The following PHEX variants were observed in gnomAD, a reference collection of about 807,000 sequenced individuals.
PHEX encodes phosphate regulating endopeptidase X-linked, also known as phosphate-regulating neutral endopeptidase PHEX.
PHEX carries 16 observed loss-of-function variants against 68.0 expected under a neutral mutation model. The ratio of observed to expected loss-of-function variants is 0.24; its 90% CI spans 0.16 to 0.36. PHEX has a LOEUF of 0.36. Among genes scored for constraint, PHEX ranks in the 10% least tolerant of loss-of-function variants. The probability of loss-of-function intolerance (pLI) is 1.00; values close to 1 mark genes in which losing one functional copy is unlikely to be tolerated. For missense variants in PHEX, 480 were observed against 575.5 expected (o/e 0.83, Z 1.70); for synonymous variants, 208 against 205.1 (o/e 1.01, Z -0.12).
intron 5 of PHEX, among the ~76,000 whole-genome samples, chrX:22,087,713 G>T (rs894446581): frequency 2.7e-5 from 3 of 111,410 alleles, no homozygotes; most frequent in African/African-American, 9.8e-5. Flanking sequence ...TTTTTATTCA[G>T]ATATTACTAA....
intron 21 of PHEX, among the ~76,000 whole-genome samples, chrX:22,247,332 T>C (rs1936420148): frequency 8.9e-6 from 1 of 112,108 alleles, no homozygotes; most frequent in South Asian, 3.7e-4. Context: ...AAACAGTACA[T>C]ACCATGGATT....
At chrX:22,246,465 A>G (rs1419478418) in intron 21 of PHEX, among the ~76,000 whole-genome samples, 2 of 111,898 alleles carry the variant, frequency 1.8e-5, no homozygotes. Context: ...CCACTAGCAT[A>G]AAAATCTAAT....
intron 20 of PHEX, among the ~76,000 whole-genome samples, chrX:22,240,231 C>T (rs780997242): frequency 7.1e-5 from 8 of 112,147 alleles, no homozygotes; most frequent in South Asian, 3.8e-4. Context: ...ACAAGAGCTC[C>T]GCAAAGAAGC....
intron 11 of PHEX, among the ~76,000 whole-genome samples, chrX:22,130,094 C>T (rs1362857161): frequency 8.9e-6 from 1 of 112,029 alleles, no homozygotes; most frequent in Non-Finnish European, 1.9e-5. Flanking sequence ...AAATGAGTCA[C>T]CTGTTTCCAT....
intron 5 of PHEX, among the ~76,000 whole-genome samples, chrX:22,090,043 T>G (rs1315159089): frequency 8.9e-6 from 1 of 112,298 alleles, no homozygotes; most frequent in Non-Finnish European, 1.9e-5. Context: ...GATTTTAGTC[T>G]GAGCTCTGCC....
chrX:22,129,726 A>G (rs1024563915), intron 11 of PHEX, among the ~76,000 whole-genome samples: 1 of 111,245 alleles, frequency 9.0e-6, no homozygotes, highest in African/African-American at 3.3e-5. Context: ...GATCCTTTCT[A>G]TTGGTATTTA....
intron 9 of PHEX, chrX:22,099,468 A>T: frequency 9.2e-6 from 2 of 217,111 alleles, no homozygotes; most frequent in Non-Finnish European, 1.6e-5. Context: ...CTGTGTGAAC[A>T]TCTTTTTTTT....
chrX:22,189,374 C>T (rs906988244), intron 14 of PHEX, among the ~76,000 whole-genome samples: 4 of 111,703 alleles, frequency 3.6e-5, no homozygotes, highest in African/African-American at 1.3e-4. Flanking sequence ...ACTTTGAACC[C>T]CAATTAAGCA....
intron 5 of PHEX, among the ~76,000 whole-genome samples, 180 bp downstream of exon 5, chrX:22,077,882 C>T (rs1929229478): frequency 8.9e-6 from 1 of 112,083 alleles, no homozygotes; most frequent in Admixed American, 9.5e-5. Context: ...CATTACCATA[C>T]AAGTTTTGTA....
chrX:22,162,440 A>G (rs1026146939), intron 12 of PHEX, among the ~76,000 whole-genome samples: 2 of 111,915 alleles, frequency 1.8e-5, no homozygotes, highest in African/African-American at 6.5e-5. Flanking sequence ...TTAGGGGTAT[A>G]AGATGACCTG....
At position 22,228,775 on chromosome X, in the gene PHEX, C is replaced by T. The variant is rs191321278; in HGVS notation, c.2070+1164C>T. Among the ~76,000 whole-genome samples the T allele has an allele frequency of 2.0e-3, 227 of 111,228 alleles. 1 individual carries two copies. Among genetic ancestry groups the T allele is most frequent in the Non-Finnish European group, 3.4e-3 (181 of 52,840 alleles). On this transcript the variant is annotated intron_variant, in intron 20 of 21. Transcript: ENST00000379374. ...TAAGTTCTGGGGTACACGTGCAGAA[C>T]GTGCAGTTTTGTTACATAGGTATAC...
chrX:22,159,729 A>G (rs1033301418), intron 12 of PHEX, among the ~76,000 whole-genome samples: 34 of 112,262 alleles, frequency 3.0e-4, no homozygotes, highest in African/African-American at 9.7e-4. Flanking sequence ...ATGGATTGCA[A>G]AGCCTAAAAT....
intron 16 of PHEX, among the ~76,000 whole-genome samples, chrX:22,215,705 T>C (rs1204844036): frequency 9.0e-6 from 1 of 110,975 alleles, no homozygotes; most frequent in East Asian, 2.8e-4. Context: ...TTTGTACCCA[T>C]TAACCATCCC....
At chrX:22,230,047 G>A (rs916308787) in intron 20 of PHEX, among the ~76,000 whole-genome samples, 2 of 110,070 alleles carry the variant, frequency 1.8e-5, no homozygotes, top group African/African-American at 6.6e-5. Context: ...AAGATCAGAT[G>A]GTTGTAGATG....
At chrX:22,041,017 A>G (rs1406743553) in intron 2 of PHEX, among the ~76,000 whole-genome samples, 2 of 107,410 alleles carry the variant, frequency 1.9e-5, no homozygotes, top group Admixed American at 2.0e-4. Flanking sequence ...AGAATGGGGG[A>G]AGGTTTAGGA....
intron 5 of PHEX, among the ~76,000 whole-genome samples, chrX:22,085,637 T>A (rs1047782173): frequency 5.5e-4 from 61 of 111,540 alleles, no homozygotes; most frequent in Non-Finnish European, 6.6e-4. Context: ...TTATTATTGA[T>A]TTTTAGTTCC....
chrX:22,111,523 G>C lies in PHEX; in HGVS notation c.1136G>C (p.Ser379Thr). Residue 379 changes from serine to threonine, a missense_variant, in exon 10 of 22, where the codon AGC (serine) becomes ACC (threonine). By Grantham distance (58) the Ser-to-Thr change is moderately conservative. Coordinates refer to ENST00000379374, the MANE Select transcript of PHEX (RefSeq NM_000444.6). ...RMVYSRIPNL[S>T]RRFQYRWLEF... ...GTTTATTCCAGAATTCCAAACCTTAGCAGGCGCTTTCAGTATAGATGGCTG... is the reference window on the plus strand; with the variant it reads ...GTTTATTCCAGAATTCCAAACCTTACCAGGCGCTTTCAGTATAGATGGCTG... 8.3e-7 allele frequency: 1 copy of C among 1,208,996 alleles called. No individual in the cohort carries two copies. The highest frequency in any genetic ancestry group is 1.1e-6 in the Non-Finnish European group (1 of 892,835).
chrX:22,225,536 C>T (rs1415304856), intron 18 of PHEX, among the ~76,000 whole-genome samples: 1 of 111,283 alleles, frequency 9.0e-6, no homozygotes, highest in African/African-American at 3.3e-5. Flanking sequence ...GGCGTATGGT[C>T]TCTGTTACAA....
At chrX:22,243,026 A>T (rs1034477122) in intron 20 of PHEX, among the ~76,000 whole-genome samples, 4 of 112,102 alleles carry the variant, frequency 3.6e-5, no homozygotes, top group Non-Finnish European at 5.6e-5. Context: ...CCTGACTTTA[A>T]ACTTTACTGC....
Sources: allele counts gnomAD v4.1 joint callset (sites outside exome capture counted in the v4.1 genomes callset), GRCh38; gene constraint gnomAD v4.1.1; transcripts MANE v1.5; gene names NCBI Gene and HGNC (gene_info 2026-07-23, HGNC 2026-07-21).